The following MYOM1 variants were observed in gnomAD, a reference collection of about 807,000 sequenced individuals.
MYOM1 encodes the protein myomesin-1.
MYOM1 carries 164 observed loss-of-function variants against 205.3 expected under a neutral mutation model. The observed-to-expected ratio is 0.80, with a 90% CI of 0.70 to 0.91. The LOEUF (loss-of-function observed/expected upper bound fraction) is 0.91. Among genes scored for constraint, MYOM1 ranks in the 40% least tolerant of loss-of-function variants. The probability of loss-of-function intolerance (pLI) is 0.00; values close to 1 mark genes in which losing one functional copy is unlikely to be tolerated. For synonymous variants in MYOM1, 772 were observed against 789.4 expected (o/e 0.98, Z 0.37); for missense variants, 2,011 against 2,127.3 (o/e 0.95, Z 1.08).
chr18:3,114,542 T>C (rs2079575879), intron 21 of MYOM1, among the ~76,000 whole-genome samples: 1 of 109,576 alleles, frequency 9.1e-6, no homozygotes, highest in Non-Finnish European at 1.8e-5. Context: ...CATGGTCAGC[T>C]AATTTTTTTT....
chr18:3,136,158 G>T (rs186476776), intron 14 of MYOM1, among the ~76,000 whole-genome samples: 2 of 151,840 alleles, frequency 1.3e-5, no homozygotes, highest in African/African-American at 4.8e-5. Flanking sequence ...CGTGCCTTTC[G>T]CCTTCCACCA....
intron 4 of MYOM1, among the ~76,000 whole-genome samples, chr18:3,188,019 AG>A: frequency 6.6e-6 from 1 of 151,136 alleles, no homozygotes; most frequent in East Asian, 2.0e-4. Flanking sequence ...TTGTATTTTT[AG>A]TAGAGATTTT....
At chr18:3,083,427 C>CTTTTTTTTTTTTTTTTTTTTTTTCT (rs35959808) in intron 33 of MYOM1, among the ~76,000 whole-genome samples, 1 of 98,526 alleles carries the variant, frequency 1.0e-5, no homozygotes, top group Non-Finnish European at 1.8e-5. Context: ...TTTTCTTTTT[C>CTTTTTTTTTTTTTTTTTTTTTTTCT]TTTTTTTTTT....
intron 13 of MYOM1, among the ~76,000 whole-genome samples, chr18:3,142,285 A>T (rs2080061811): frequency 6.6e-6 from 1 of 151,848 alleles, no homozygotes; most frequent in Non-Finnish European, 1.5e-5. Flanking sequence ...GAGGGGGGGA[A>T]GGGTTTCACT....
At chr18:3,174,756 G>A (rs1431702404) in intron 6 of MYOM1, among the ~76,000 whole-genome samples, 1 of 151,414 alleles carries the variant, frequency 6.6e-6, no homozygotes, top group Non-Finnish European at 1.5e-5. Context: ...AGCCACGTTG[G>A]TCTATGTGTT....
chr18:3,202,790 A>G (rs1288416064), intron 2 of MYOM1, among the ~76,000 whole-genome samples: 1 of 152,096 alleles, frequency 6.6e-6, no homozygotes, highest in Non-Finnish European at 1.5e-5. Flanking sequence ...AATACTTGCA[A>G]AACACTATCA....
intron 25 of MYOM1, among the ~76,000 whole-genome samples, chr18:3,095,241 T>C (rs935820688): frequency 3.9e-5 from 6 of 152,084 alleles, no homozygotes; most frequent in African/African-American, 4.8e-5. Context: ...TTAGACCTCG[T>C]GTCCCTCACC....
intron 9 of MYOM1, among the ~76,000 whole-genome samples, chr18:3,166,161 A>G (rs1428556321): frequency 6.6e-6 from 1 of 152,212 alleles, no homozygotes; most frequent in East Asian, 1.9e-4. Context: ...CATTAAATGA[A>G]GCCCAGATCT....
At chr18:3,199,507 A>G (rs1289150376) in intron 2 of MYOM1, among the ~76,000 whole-genome samples, 1 of 152,234 alleles carries the variant, frequency 6.6e-6, no homozygotes, top group Non-Finnish European at 1.5e-5. Flanking sequence ...AGGACAGGCA[A>G]GAGAGCCTGG....
chr18:3,245,793 T>C, the MYOM1 span, among the ~76,000 whole-genome samples: 1 of 152,180 alleles, frequency 6.6e-6, no homozygotes, highest in Admixed American at 6.5e-5. Flanking sequence ...TAACATCCCC[T>C]GGGGGACACC....
chr18:3,193,332 A>ATG (rs1555629150), intron 3 of MYOM1, among the ~76,000 whole-genome samples: 1 of 144,246 alleles, frequency 6.9e-6, no homozygotes, highest in African/African-American at 2.6e-5. Context: ...ACATATACAT[A>ATG]TATATGTACA....
intron 13 of MYOM1, among the ~76,000 whole-genome samples, chr18:3,146,815 GAAGTT>G (rs1186680023): frequency 6.6e-6 from 1 of 151,752 alleles, no homozygotes; most frequent in Non-Finnish European, 1.5e-5. Context: ...TGAAAAGGAA[GAAGTT>G]AATTTATCTT....
the MYOM1 span, among the ~76,000 whole-genome samples, chr18:3,237,590 C>T: frequency 3.3e-5 from 4 of 119,558 alleles, no homozygotes; most frequent in Non-Finnish European, 6.6e-5. Context: ...CAGTGCAAGA[C>T]TCCGTCTCAA....
At chr18:3,197,859 C>A (rs1372461814) in intron 2 of MYOM1, among the ~76,000 whole-genome samples, 2 of 151,686 alleles carry the variant, frequency 1.3e-5, no homozygotes, top group African/African-American at 2.4e-5. Flanking sequence ...GGTGACAGAG[C>A]GAGACTCCAT....
chr18:3,174,227 A>G lies in MYOM1; in HGVS notation c.1023-19T>C, dbSNP rs762784369. ...ATCACATCTGAAAGAACAGACGGAA[A>G]TGAATATCCATCGTAGTGACAATCC... On this transcript the variant is annotated intron_variant, in intron 6 of 37. Coordinates refer to ENST00000356443, the MANE Select transcript of MYOM1 (RefSeq NM_003803.4). The G allele has an allele frequency of 6.2e-7, 1 of 1,600,444 alleles. No homozygotes were observed. The highest frequency in any genetic ancestry group is 1.3e-5 in the African/African-American group (1 of 74,556).
chr18:3,090,620 A>G (rs769616168), intron 27 of MYOM1, 38 bp downstream of exon 27: 22 of 1,612,082 alleles, frequency 1.4e-5, no homozygotes, highest in African/African-American at 2.7e-5. Context: ...TGAAGGGAGT[A>G]GCAAAGCCTG....
intron 20 of MYOM1, among the ~76,000 whole-genome samples, chr18:3,118,105 C>A (rs1420326250): frequency 6.6e-6 from 1 of 152,160 alleles, no homozygotes; most frequent in African/African-American, 2.4e-5. Flanking sequence ...CTACTTGTTA[C>A]CTCTGTGACC....
rs2079058337 is a variant in MYOM1 at position 3,079,342 on chromosome 18, AC to A, written c.4485-1del. 6.2e-7 allele frequency: 1 copy of A among 1,602,936 alleles called. No homozygotes were observed. The highest frequency in any genetic ancestry group is 8.5e-7 in the Non-Finnish European group (1 of 1,172,696). On this transcript the variant is annotated splice_acceptor_variant, in intron 33 of 37. Transcript: ENST00000356443. LOFTEE classifies it high-confidence loss of function. ...TGTCTGAGTACCTAATGGCGGACCC[AC>A]TGTGAAAATCGAAGAAAACTTCCTT... is the stretch of plus-strand genomic sequence containing the variant.
rs911644412 is a variant in MYOM1 at position 3,085,204 on chromosome 18, T to C, written c.4252-72A>G. On this transcript the variant is annotated intron_variant, in intron 30 of 37. Transcript: ENST00000356443. ...GCACGGTATCTGTGATTTTTTTTTT[T>C]CTTCTGCTTCTTCTGCTGCTGCTGC... 18 of 618,086 alleles carry C rather than the reference T, an allele frequency of 2.9e-5. No homozygotes were observed. The African/African-American group carries it at 3.5e-4, about 12-fold the overall frequency. The allele number at this position is 618,086 out of a possible 1,614,324, so 38.3% of individuals were successfully genotyped here. A position where few individuals can be genotyped will look rare whatever the true frequency, so the allele number is the denominator to read the frequency against.
Sources: allele counts gnomAD v4.1 joint callset (sites outside exome capture counted in the v4.1 genomes callset), GRCh38; gene constraint gnomAD v4.1.1; transcripts MANE v1.5; gene names NCBI Gene and HGNC (gene_info 2026-07-23, HGNC 2026-07-21).